C2CD5: variants seen among roughly 807,000 people sequenced by gnomAD.
The protein encoded by C2CD5 is C2 domain-containing protein 5.
Under a neutral mutation model 130.3 loss-of-function variants are expected in C2CD5, and 109 were observed. The ratio of observed to expected loss-of-function variants is 0.84; its 90% confidence interval spans 0.72 to 0.98. The LOEUF (loss-of-function observed/expected upper bound fraction) is 0.98, where lower values mean the gene tolerates loss of function less well. C2CD5 is among the 50% of genes least tolerant of loss of function. The pLI is 0.00. For missense variants in C2CD5, 996 were observed against 1,261.8 expected, an observed-to-expected ratio of 0.79 and a Z score of 3.19; for synonymous variants, 454 against 429.2, an observed-to-expected ratio of 1.06 and a Z score of -0.71.
chr12:22,519,490 AG>A (rs1293610252), intron 7 of C2CD5, among the ~76,000 whole-genome samples: 2 of 152,114 alleles, frequency 1.3e-5, no homozygotes, highest in Non-Finnish European at 2.9e-5. Context: ...GAAAATAGCA[AG>A]CAGAATAGTC....
intron 10 of C2CD5, among the ~76,000 whole-genome samples, chr12:22,498,462 C>G (rs1947333787): frequency 6.6e-6 from 1 of 152,134 alleles, no homozygotes; most frequent in Non-Finnish European, 1.5e-5. Flanking sequence ...CCTATATAAT[C>G]AGCTGACCCA....
At chr12:22,514,277 T>G (rs1166748129) in intron 8 of C2CD5, among the ~76,000 whole-genome samples, 3 of 152,136 alleles carry the variant, frequency 2.0e-5, no homozygotes, top group African/African-American at 7.2e-5. Flanking sequence ...ACTAATTAAC[T>G]TTTACATTTT....
At chr12:22,503,676 T>G (rs536838545) in intron 10 of C2CD5, among the ~76,000 whole-genome samples, 2 of 152,016 alleles carry the variant, frequency 1.3e-5, no homozygotes, top group Non-Finnish European at 2.9e-5. Flanking sequence ...CAGGCCCGGA[T>G]AGTTTTTGTA....
intron 10 of C2CD5, among the ~76,000 whole-genome samples, chr12:22,502,050 A>G (rs7312228): frequency 0.16 from 24,304 of 152,042 alleles, 3,846 homozygotes; most frequent in African/African-American, 0.41. Flanking sequence ...TTATCAAAAA[A>G]AAAAATTAAT....
rs12307380 is a variant in C2CD5, at chr12:22,458,192, G to A, written c.2686+292C>T. 3.0e-3 allele frequency among the ~76,000 whole-genome samples: 463 copies of A among 152,216 alleles called. 1 individual carries two copies. The highest frequency in any genetic ancestry group is 0.011 in the African/African-American group (447 of 41,546). On this transcript the variant is annotated intron_variant, in intron 24 of 26. Coordinates refer to ENST00000446597, the MANE Select transcript of C2CD5 (RefSeq NM_001286176.2). ...TCCTGGAAGAATGTCTTTTCAATAA[G>A]AGAGTTGGCAATTTACTTCCAATTA...
chr12:22,463,089 G>A (rs1381775361), intron 22 of C2CD5, among the ~76,000 whole-genome samples: 3 of 145,920 alleles, frequency 2.1e-5, no homozygotes, highest in African/African-American at 7.6e-5. Flanking sequence ...GTCTCAAAGA[G>A]AGAGAGAAAA....
chr12:22,536,611 T>C lies in C2CD5; in HGVS notation c.91-1267A>G, dbSNP rs115375175. Among the ~76,000 whole-genome samples, 432 of 152,278 alleles carry C rather than the reference T, an allele frequency of 2.8e-3. 4 individuals carry two copies. The highest frequency in any genetic ancestry group is 0.01 in the African/African-American group (421 of 41,560). On this transcript the variant is annotated intron_variant, in intron 2 of 26. Transcript: ENST00000446597. ...CTGAAAAAACAAGTAGCAGAATATA[T>C]AAAGTATGATTATATTTGTTTCTAA...
chr12:22,498,443 A>G, intron 10 of C2CD5, among the ~76,000 whole-genome samples: 1 of 152,204 alleles, frequency 6.6e-6, no homozygotes. Context: ...TACATTCTAT[A>G]AATATATCCC....
chr12:22,512,473 AG>A (rs1949290819), intron 9 of C2CD5, among the ~76,000 whole-genome samples: 1 of 143,666 alleles, frequency 7.0e-6, no homozygotes, highest in African/African-American at 3.0e-5. Flanking sequence ...ATTAGTTAGT[AG>A]AAAAAAGAAC....
intron 3 of C2CD5, chr12:22,534,929 T>C: frequency 5.6e-6 from 1 of 178,526 alleles, no homozygotes; most frequent in Non-Finnish European, 1.2e-5. Context: ...ATATTCACAA[T>C]ATATAGTACT....
intron 14 of C2CD5, among the ~76,000 whole-genome samples, chr12:22,479,614 C>A (rs890899085): frequency 1.3e-5 from 2 of 151,948 alleles, no homozygotes; most frequent in Non-Finnish European, 2.9e-5. Flanking sequence ...ACTCTAAAAC[C>A]CAAACGCATT....
At chr12:22,516,150 C>G (rs982027664) in intron 8 of C2CD5, among the ~76,000 whole-genome samples, 4 of 151,304 alleles carry the variant, frequency 2.6e-5, no homozygotes, top group Admixed American at 2.0e-4. Context: ...TCCATTATTT[C>G]TCAAGACACT....
In C2CD5 at chr12:22,534,119, C is replaced by A. The variant is rs562863590; in HGVS notation, c.177+1139G>T. ...AGGAGAATCGCTTGAACCCAGCAGG[C>A]GGAGGTTGCAGTGAGCCAAGATCGC... On this transcript the variant is annotated intron_variant, in intron 3 of 26. Transcript: ENST00000446597. Among the ~76,000 whole-genome samples, 9 of 152,294 alleles carry A rather than the reference C, an allele frequency of 5.9e-5. No individual in the cohort carries two copies. The East Asian group carries it at 1.5e-3, about 26-fold the overall frequency.
At chr12:22,449,970 T>A in intron 26 of C2CD5, 79 bp from the exon 27 acceptor site, 1 of 1,154,982 alleles carries the variant, frequency 8.7e-7, no homozygotes, top group Non-Finnish European at 1.2e-6. Flanking sequence ...GGCAGTGCTG[T>A]ACAGCCAAAA....
chr12:22,474,736 C>A lies in C2CD5; in HGVS notation c.2043+15G>T. On this transcript the variant is annotated intron_variant, in intron 16 of 26. Coordinates refer to ENST00000446597, the MANE Select transcript of C2CD5 (RefSeq NM_001286176.2). ...CTTCCAAAACCTTTAAGAAATTAGTCCAATGCCACATTACCTCCAAAACAA... is the reference window on the plus strand; with the variant it reads ...CTTCCAAAACCTTTAAGAAATTAGTACAATGCCACATTACCTCCAAAACAA... 1 of 1,575,498 alleles carries A rather than the reference C, an allele frequency of 6.3e-7. No individual in the cohort carries two copies.
At chr12:22,456,949 G>A (rs1323168184) in intron 25 of C2CD5, 22 bp downstream of exon 25, 2 of 1,451,626 alleles carry the variant, frequency 1.4e-6, no homozygotes, top group Non-Finnish European at 1.9e-6. Context: ...TTTAAAAAAT[G>A]AAATAACTTC....
intron 10 of C2CD5, among the ~76,000 whole-genome samples, chr12:22,504,762 T>C (rs952139584): frequency 3.3e-5 from 5 of 152,210 alleles, no homozygotes; most frequent in Non-Finnish European, 5.9e-5. Flanking sequence ...ACAAGGGTGA[T>C]GTCAGGTATT....
Position 22,523,411 on chromosome 12 carries a change from T to C in C2CD5, c.800+15A>G, listed in dbSNP as rs906539791. 1.3e-6 allele frequency: 2 copies of C among 1,592,662 alleles called. No individual in the cohort carries two copies. Among genetic ancestry groups the C allele is most frequent in the African/African-American group, 1.3e-5 (1 of 74,542 alleles). On this transcript the variant is annotated intron_variant, in intron 7 of 26. Coordinates refer to ENST00000446597, the MANE Select transcript of C2CD5 (RefSeq NM_001286176.2). ...AAAAATCTTAGCAAGAACAATTTCA[T>C]TGATTCATACTTACTCCTTCATTTC...
intron 2 of C2CD5, among the ~76,000 whole-genome samples, chr12:22,536,333 A>G (rs574354126): frequency 3.9e-5 from 6 of 152,294 alleles, no homozygotes; most frequent in South Asian, 2.1e-4. Context: ...GCATAATACT[A>G]CCTATTTTAA....
Sources: gnomAD v4.1 joint callset for allele counts (sites outside exome capture counted in the v4.1 genomes callset) on GRCh38, gnomAD v4.1.1 for gene constraint, MANE v1.5 for transcripts, NCBI Gene and HGNC (gene_info 2026-07-23, HGNC 2026-07-21) for gene names.